TJP2: variants seen among roughly 807,000 people sequenced by gnomAD.
The protein encoded by TJP2 is Friedreich ataxia region gene X104 (tight junction protein ZO-2).
In TJP2, 91 loss-of-function variants were observed where a neutral mutation model predicts 133.1. The observed-to-expected ratio is 0.68, with a 90% CI of 0.58 to 0.81. The LOEUF (loss-of-function observed/expected upper bound fraction) is 0.81, where lower values mean the gene tolerates loss of function less well. Among genes scored for constraint, TJP2 ranks in the 40% least tolerant of loss-of-function variants. TJP2 has a pLI of 0.00. For synonymous variants in TJP2, 592 were observed against 583.4 expected (o/e 1.01, Z -0.21); for missense variants, 1,541 against 1,565.6 (o/e 0.98, Z 0.26).
At chr9:69,238,874 T>A in intron 16 of TJP2, 85 bp downstream of exon 16, 3 of 1,135,166 alleles carry the variant, frequency 2.6e-6, no homozygotes, top group Non-Finnish European at 3.9e-6. Context: ...GTATCTGTAC[T>A]TTTAATCATT....
At chr9:69,181,401 A>G (rs1176291953) in intron 1 of TJP2, among the ~76,000 whole-genome samples, 1 of 151,970 alleles carries the variant, frequency 6.6e-6, no homozygotes, top group Admixed American at 6.6e-5. Context: ...GGCACACGCC[A>G]CCACACCCTG....
intron 1 of TJP2, among the ~76,000 whole-genome samples, chr9:69,133,970 T>TTTCCC (rs370626662): frequency 1.3e-3 from 202 of 151,856 alleles, no homozygotes; most frequent in African/African-American, 4.6e-3. Flanking sequence ...TTCTCTTTTC[T>TTTCCC]CTCTTTCTCT....
chr9:69,134,976 G>GAGAAGAGGAGA (rs766295455), intron 1 of TJP2, among the ~76,000 whole-genome samples: 20 of 148,906 alleles, frequency 1.3e-4, no homozygotes, highest in South Asian at 6.5e-4. Context: ...AGAGAGAAGA[G>GAGAAGAGGAGA]GAGAGAGAGA....
chr9:69,230,052 CT>C (rs772095157), intron 10 of TJP2, 29 bp from the exon 11 acceptor site: 323 of 1,613,706 alleles, frequency 2.0e-4, no homozygotes, highest in Non-Finnish European at 2.6e-4. Flanking sequence ...TATCTCCCAT[CT>C]TTCCTTTCTG....
chr9:69,133,182 G>A (rs1822572321), intron 1 of TJP2, among the ~76,000 whole-genome samples: 1 of 152,086 alleles, frequency 6.6e-6, no homozygotes, highest in Non-Finnish European at 1.5e-5. Context: ...GCCTGGTCTC[G>A]AACGCTTGAG....
intron 1 of TJP2, among the ~76,000 whole-genome samples, chr9:69,203,609 T>A (rs932150093): frequency 9.4e-6 from 1 of 106,298 alleles, no homozygotes; most frequent in African/African-American, 3.1e-5. Context: ...CAGCCTGGAT[T>A]TTTTTTTTTT....
At chr9:69,242,593 A>G (rs1274369485) in intron 17 of TJP2, among the ~76,000 whole-genome samples, 2 of 152,230 alleles carry the variant, frequency 1.3e-5, no homozygotes, top group Non-Finnish European at 2.9e-5. Flanking sequence ...AGAATTGTAC[A>G]GTCTTCAGGA....
At chr9:69,170,278 AT>A (rs1163827882), upstream of TJP2, among the ~76,000 whole-genome samples, 1 of 152,106 alleles carries the variant, frequency 6.6e-6, no homozygotes, top group Non-Finnish European at 1.5e-5. Context: ...TCATGAAGTC[AT>A]TTTTTTGCAT....
chr9:69,150,577 C>T (rs971526486), intron 1 of TJP2, among the ~76,000 whole-genome samples: 8 of 152,022 alleles, frequency 5.3e-5, no homozygotes, highest in East Asian at 1.9e-4. Flanking sequence ...GGATTACAGG[C>T]GTGAGCCACC....
chr9:69,145,796 C>T (rs1253942002), intron 1 of TJP2: 4 of 1,231,926 alleles, frequency 3.2e-6, no homozygotes, highest in Non-Finnish European at 4.0e-6. Flanking sequence ...GCAGAAGACA[C>T]GTGAACCTTT....
intron 18 of TJP2, 65 bp downstream of exon 18, chr9:69,246,855 C>T: frequency 7.2e-7 from 1 of 1,394,074 alleles, no homozygotes; most frequent in Non-Finnish European, 1.0e-6. Flanking sequence ...CTCAAGAGGG[C>T]AGTGAATGTA....
At chr9:69,169,427 C>T (rs774960967), upstream of TJP2, among the ~76,000 whole-genome samples, 5 of 148,748 alleles carry the variant, frequency 3.4e-5, no homozygotes, top group African/African-American at 9.9e-5. Flanking sequence ...GGCGTGATCT[C>T]GGCTTACTGA....
chr9:69,139,875 A>G (rs1197041623), intron 1 of TJP2, among the ~76,000 whole-genome samples: 1 of 152,176 alleles, frequency 6.6e-6, no homozygotes, highest in Non-Finnish European at 1.5e-5. Flanking sequence ...ACTGCCACAG[A>G]GTCCCCTGGG....
rs142532661 is a variant in TJP2, at chr9:69,174,978, G to A, written c.60+546G>A. On this transcript the variant is annotated intron_variant, in intron 1 of 22. Transcript: ENST00000377245. ...TTGGAAGGACCCACAAAAGAGGAGT[G>A]TGATGAATGCTTTGTATTCTAGTAC... Among the ~76,000 whole-genome samples, 37 of 150,492 alleles carry A rather than the reference G, an allele frequency of 2.5e-4. No individual in the cohort carries two copies. The East Asian group carries it at 7.3e-3, about 30-fold the overall frequency.
intron 4 of TJP2, among the ~76,000 whole-genome samples, chr9:69,220,245 A>G (rs188824794): frequency 1.3e-5 from 2 of 152,352 alleles, no homozygotes; most frequent in Non-Finnish European, 2.9e-5. Context: ...GATTAATTTA[A>G]TACATTAATA....
intron 1 of TJP2, among the ~76,000 whole-genome samples, chr9:69,200,061 G>C (rs1348781316): frequency 6.6e-6 from 1 of 152,146 alleles, no homozygotes; most frequent in Non-Finnish European, 1.5e-5. Flanking sequence ...TGCATTTTAA[G>C]GCTCCCAAGC....
chr9:69,174,158 G>T (rs1355579887), upstream of TJP2: 3 of 1,272,380 alleles, frequency 2.4e-6, no homozygotes, highest in Middle Eastern at 3.0e-4. Flanking sequence ...CGGGCCGGGC[G>T]GCCAGCGCGG....
At chr9:69,185,409 C>T (rs919928716) in intron 1 of TJP2, among the ~76,000 whole-genome samples, 2 of 152,326 alleles carry the variant, frequency 1.3e-5, no homozygotes, top group Non-Finnish European at 2.9e-5. Context: ...TTTATAGTCA[C>T]ATGGATGCCA....
intron 1 of TJP2, among the ~76,000 whole-genome samples, chr9:69,136,009 T>G (rs1587883069): frequency 6.6e-6 from 1 of 152,326 alleles, no homozygotes; most frequent in African/African-American, 2.4e-5. Flanking sequence ...TGAGGAGAGA[T>G]ATTAGAGATA....
Sources: gnomAD v4.1 joint callset for allele counts (sites outside exome capture counted in the v4.1 genomes callset) on GRCh38, gnomAD v4.1.1 for gene constraint, MANE v1.5 for transcripts, NCBI Gene and HGNC (gene_info 2026-07-23, HGNC 2026-07-21) for gene names.